The following MET variants were observed in gnomAD, a reference collection of about 807,000 sequenced individuals.
The protein encoded by MET is hepatocyte growth factor receptor.
A neutral mutation model predicts 133.1 loss-of-function variants in MET; 48 were observed. That is an observed-to-expected ratio of 0.36 (90% CI 0.29 to 0.46). MET has a LOEUF of 0.46. MET is among the 20% of genes least tolerant of loss of function. MET has a pLI of 1.00. For missense variants in MET, 1,442 were observed against 1,695.9 expected (o/e 0.85, Z 2.63); for synonymous variants, 628 against 616.5 (o/e 1.02, Z -0.28).
chr7:116,679,439 A>G (rs948500570), intron 1 of MET, among the ~76,000 whole-genome samples: 1 of 152,230 alleles, frequency 6.6e-6, no homozygotes, highest in African/African-American at 2.4e-5. Flanking sequence ...AGGAATTTCT[A>G]GACTAATTTG....
At chr7:116,723,430 T>A (rs1365232016) in intron 2 of MET, among the ~76,000 whole-genome samples, 1 of 152,028 alleles carries the variant, frequency 6.6e-6, no homozygotes, top group Non-Finnish European at 1.5e-5. Flanking sequence ...GGTTTGAATG[T>A]CCTCCCGTAG....
chr7:116,744,629 CAGG>C (rs1793595160), intron 5 of MET, among the ~76,000 whole-genome samples: 1 of 152,094 alleles, frequency 6.6e-6, no homozygotes, highest in Non-Finnish European at 1.5e-5. Flanking sequence ...GAATATTATC[CAGG>C]AGAACTTCCC....
Position 116,774,978 on chromosome 7 carries a change from A to G in MET, c.3126A>G (p.Ile1042Met), listed in dbSNP as rs1237033724. 1.2e-6 allele frequency: 2 copies of G among 1,614,170 alleles called. No individual in the cohort carries two copies. Among genetic ancestry groups the G allele is most frequent in the Non-Finnish European group, 1.7e-6 (2 of 1,179,994 alleles). Reference sequence around the variant, plus strand: ...TCCTAACTAGTGGGGACTCTGATATATCCAGTCCATTACTGCAAAATACTG... The same window carrying G: ...TCCTAACTAGTGGGGACTCTGATATGTCCAGTCCATTACTGCAAAATACTG... Reference protein sequence around the residue: ...SPILTSGDSDISSPLLQNTVH... With the variant: ...SPILTSGDSDMSSPLLQNTVH... The change falls in exon 15 of 21, where the codon ATA (isoleucine) becomes ATG (methionine). Residue 1042 changes from isoleucine to methionine, a missense_variant. This residue lies in a region of MET where 514 missense variants were observed against 659.6 expected (regional missense o/e 0.78). Coordinates refer to ENST00000397752, the MANE Select transcript of MET (RefSeq NM_000245.4).
chr7:116,790,562 G>A (rs985823701), intron 19 of MET, among the ~76,000 whole-genome samples: 28 of 152,148 alleles, frequency 1.8e-4, no homozygotes, highest in African/African-American at 6.7e-4. Context: ...GAATAGTGCC[G>A]CAGTGGCCAT....
chr7:116,781,039 ACCT>A (rs1467386450), intron 17 of MET, among the ~76,000 whole-genome samples: 4 of 152,058 alleles, frequency 2.6e-5, no homozygotes, highest in Admixed American at 2.6e-4. Context: ...CCCTTATCTA[ACCT>A]CCTCCTTTAT....
chr7:116,754,939 GAAAGAAAGAA>G (rs1401030161), intron 5 of MET, among the ~76,000 whole-genome samples: 2 of 122,672 alleles, frequency 1.6e-5, no homozygotes, highest in African/African-American at 5.7e-5. Context: ...AAGAAAGAAA[GAAAGAAAGAA>G]AGAGAAAGAA....
rs1795997986 is a variant in MET at position 116,672,223 on chromosome 7, C to A, written c.-369C>A. Among the ~76,000 whole-genome samples, 1 of 151,786 alleles carries A rather than the reference C, an allele frequency of 6.6e-6. No individual in the cohort carries two copies. On this transcript the variant is annotated 5_prime_UTR_variant, in exon 1 of 21. Coordinates refer to ENST00000397752, the MANE Select transcript of MET (RefSeq NM_000245.4). ...ACACGTGCTGGGGCGGGCAGGCGAG[C>A]GCCTCAGTCTGGTCGCCTGGCGGTG...
At chr7:116,682,458 A>T (rs1796395197) in intron 1 of MET, among the ~76,000 whole-genome samples, 1 of 152,204 alleles carries the variant, frequency 6.6e-6, no homozygotes, top group Non-Finnish European at 1.5e-5. Flanking sequence ...CCCTGAAGTT[A>T]TTCCTTGCAG....
chr7:116,743,924 A>G (rs919031461), intron 5 of MET, among the ~76,000 whole-genome samples: 1 of 152,214 alleles, frequency 6.6e-6, no homozygotes, highest in African/African-American at 2.4e-5. Context: ...AGCAAACTCC[A>G]GAAGACCTGC....
rs1795710035 is a variant in MET at position 116,797,403 on chromosome 7, A to G, written c.*1279A>G. 1 of 228,482 alleles carries G rather than the reference A, an allele frequency of 4.4e-6. No individual in the cohort carries two copies. Among genetic ancestry groups the G allele is most frequent in the Non-Finnish European group, 8.7e-6 (1 of 114,892 alleles). 14.2% of individuals were successfully genotyped at this position (228,482 alleles called of 1,614,324 possible). On this transcript the variant is annotated 3_prime_UTR_variant, in exon 21 of 21. Coordinates refer to ENST00000397752, the MANE Select transcript of MET (RefSeq NM_000245.4). ...GGAAACAAAACTTTTGGGGAGTTTTATTTTGCATTAGGGTGTGTTTTATGT... is the reference window on the plus strand; with the variant it reads ...GGAAACAAAACTTTTGGGGAGTTTTGTTTTGCATTAGGGTGTGTTTTATGT...
intron 5 of MET, among the ~76,000 whole-genome samples, chr7:116,749,007 G>A (rs1448963785): frequency 6.6e-6 from 1 of 152,152 alleles, no homozygotes; most frequent in African/African-American, 2.4e-5. Flanking sequence ...CGGATTCACA[G>A]CCGAATTCTA....
At chr7:116,714,330 C>T (rs955443398) in intron 2 of MET, among the ~76,000 whole-genome samples, 93 of 152,182 alleles carry the variant, frequency 6.1e-4, no homozygotes, top group African/African-American at 2.0e-3. Context: ...CGTTTGTATA[C>T]ATATGTATAT....
At chr7:116,720,681 AGTTTT>A (rs1190302422) in intron 2 of MET, among the ~76,000 whole-genome samples, 1 of 140,078 alleles carries the variant, frequency 7.1e-6, no homozygotes, top group Non-Finnish European at 1.5e-5. Flanking sequence ...ATTTATTGAG[AGTTTT>A]TAACATGAAG....
chr7:116,716,501 GAAAGAAAGAA>G (rs1792235282), intron 2 of MET, among the ~76,000 whole-genome samples: 1 of 149,152 alleles, frequency 6.7e-6, no homozygotes, highest in African/African-American at 2.5e-5. Flanking sequence ...AAGAAAGAAA[GAAAGAAAGAA>G]AGAAAGAAAG....
rs763131600 is a variant in MET at position 116,771,572 on chromosome 7, T to A, written c.2805T>A (p.Ile935=). Residue 935 remains isoleucine (I), a synonymous_variant, in exon 13 of 21, where the codon ATT becomes ATA. Transcript: ENST00000397752. ...CAGATCAGAATTTCACAGGATTGAT[T>A]GCTGGTGTTGTCTCAATATCAACAG... ...VQPDQNFTGL[I]AGVVSISTAL... is the part of the protein sequence containing the mutation. The A allele has an allele frequency of 4.3e-6, 7 of 1,613,832 alleles. No individual in the cohort carries two copies. The highest frequency in any genetic ancestry group is 5.1e-6 in the Non-Finnish European group (6 of 1,179,848).
chr7:116,722,195 A>G (rs1792519906), intron 2 of MET, among the ~76,000 whole-genome samples: 1 of 151,812 alleles, frequency 6.6e-6, no homozygotes, highest in African/African-American at 2.4e-5. Flanking sequence ...TATATTTAGG[A>G]TAGTTAGCTC....
At chr7:116,753,307 T>C (rs915525826) in intron 5 of MET, among the ~76,000 whole-genome samples, 3 of 152,228 alleles carry the variant, frequency 2.0e-5, no homozygotes, top group African/African-American at 7.2e-5. Context: ...CTATCTTAGT[T>C]TTCCCACCAT....
intron 11 of MET, 104 bp from the exon 12 acceptor site, chr7:116,769,541 C>A (rs2116981106): frequency 6.9e-7 from 1 of 1,439,456 alleles, no homozygotes; most frequent in South Asian, 1.2e-5. Context: ...CCTTGGCAAA[C>A]AACATGGCCT....
chr7:116,754,960 A>AGAGAAAGAAG (rs1562919689), intron 5 of MET, among the ~76,000 whole-genome samples: 2 of 144,582 alleles, frequency 1.4e-5, no homozygotes, highest in African/African-American at 5.0e-5. Context: ...AGAGAAAGAA[A>AGAGAAAGAAG]GAGAAGGAAG....
Sources: allele counts gnomAD v4.1 joint callset (sites outside exome capture counted in the v4.1 genomes callset), GRCh38; gene constraint gnomAD v4.1.1; regional missense constraint gnomAD v4.1.1; transcripts MANE v1.5; gene names NCBI Gene and HGNC (gene_info 2026-07-23, HGNC 2026-07-21).